The following DLG2 variants were observed in gnomAD, a reference collection of about 807,000 sequenced individuals.
The protein encoded by DLG2 is discs large MAGUK scaffold protein 2, also known as disks large homolog 2.
A neutral mutation model predicts 132.5 loss-of-function variants in DLG2; 45 were observed. The ratio of observed to expected loss-of-function variants is 0.34; its 90% CI spans 0.27 to 0.44. The LOEUF is 0.44. Ranked by LOEUF, DLG2 falls within the 20% of genes least tolerant of loss-of-function variation. The pLI is 1.00. For synonymous variants in DLG2, 424 were observed against 419.6 expected (o/e 1.01, Z -0.13); for missense variants, 1,045 against 1,196.9 (o/e 0.87, Z 1.87).
At chr11:84,889,697 C>T (rs2088994518) in intron 6 of DLG2, among the ~76,000 whole-genome samples, 1 of 152,086 alleles carries the variant, frequency 6.6e-6, no homozygotes, top group South Asian at 2.1e-4. Flanking sequence ...TTTTTCTTAT[C>T]AGAAAATTAT....
intron 7 of DLG2, among the ~76,000 whole-genome samples, chr11:84,474,567 G>A (rs1037718154): frequency 1.3e-5 from 2 of 151,964 alleles, no homozygotes; most frequent in African/African-American, 4.8e-5. Context: ...TCTTTATCAT[G>A]TGAGATAGGA....
At chr11:83,940,158 T>C (rs1242534815) in intron 14 of DLG2, among the ~76,000 whole-genome samples, 2 of 152,198 alleles carry the variant, frequency 1.3e-5, no homozygotes, top group Non-Finnish European at 2.9e-5. Flanking sequence ...GAGAAGGCTT[T>C]TTGCTAAGAA....
chr11:84,254,748 G>A (rs889434231), intron 7 of DLG2, among the ~76,000 whole-genome samples: 3 of 152,066 alleles, frequency 2.0e-5, no homozygotes, highest in African/African-American at 7.2e-5. Context: ...TTGAAGTAGA[G>A]GACAAGAATT....
chr11:83,599,303 T>C (rs575962636), intron 19 of DLG2, among the ~76,000 whole-genome samples: 1 of 152,194 alleles, frequency 6.6e-6, no homozygotes, highest in African/African-American at 2.4e-5. Context: ...CAGAGGAGAG[T>C]AGGCTTCTGT....
intron 16 of DLG2, among the ~76,000 whole-genome samples, chr11:83,842,832 A>G (rs1291644032): frequency 6.8e-6 from 1 of 147,342 alleles, no homozygotes; most frequent in Non-Finnish European, 1.5e-5. Context: ...AAAAAAAAAA[A>G]AGAAGGAAAA....
intron 7 of DLG2, among the ~76,000 whole-genome samples, chr11:84,305,210 A>G (rs1013057324): frequency 2.6e-5 from 4 of 152,202 alleles, no homozygotes; most frequent in African/African-American, 9.6e-5. Context: ...CAAAAATGAA[A>G]ATATGGCAGT....
chr11:83,571,358 G>A (rs2096793239), intron 19 of DLG2, among the ~76,000 whole-genome samples: 1 of 151,248 alleles, frequency 6.6e-6, no homozygotes, highest in Non-Finnish European at 1.5e-5. Context: ...AAAAAAATCT[G>A]GCCTGAATTC....
At chr11:83,497,734 C>T (rs1056628579) in intron 21 of DLG2, among the ~76,000 whole-genome samples, 3 of 151,904 alleles carry the variant, frequency 2.0e-5, no homozygotes, top group African/African-American at 4.8e-5. Flanking sequence ...TGCTTGTATG[C>T]ATTTTTTCAT....
At chr11:84,307,449 T>C (rs1292302259) in intron 7 of DLG2, among the ~76,000 whole-genome samples, 2 of 152,198 alleles carry the variant, frequency 1.3e-5, no homozygotes, top group East Asian at 1.9e-4. Flanking sequence ...ACTTCAAGAA[T>C]GAAGCCGCAG....
At chr11:84,501,479 T>C (rs7935900) in intron 7 of DLG2, among the ~76,000 whole-genome samples, 58,914 of 152,090 alleles carry the variant, frequency 0.39, 12,127 homozygotes, top group African/African-American at 0.54. Context: ...GCAGGAAAAT[T>C]GCTTGAACCC....
intron 6 of DLG2, among the ~76,000 whole-genome samples, chr11:85,062,590 G>C (rs2064283202): frequency 6.6e-6 from 1 of 150,830 alleles, no homozygotes; most frequent in African/African-American, 2.4e-5. Flanking sequence ...AGGTCATACA[G>C]CTTGTTAGGG....
At chr11:85,052,497 A>G (rs2063001519) in intron 6 of DLG2, among the ~76,000 whole-genome samples, 1 of 152,220 alleles carries the variant, frequency 6.6e-6, no homozygotes, top group Non-Finnish European at 1.5e-5. Flanking sequence ...CATTTGTTCT[A>G]TTTTAACAAC....
chr11:83,948,869 C>G (rs753882761), intron 14 of DLG2, among the ~76,000 whole-genome samples: 2 of 152,144 alleles, frequency 1.3e-5, no homozygotes, highest in Non-Finnish European at 2.9e-5. Context: ...CTTAGAGTGT[C>G]TAACACATTG....
chr11:84,252,156 T>C (rs925296251), intron 7 of DLG2, among the ~76,000 whole-genome samples: 3 of 133,834 alleles, frequency 2.2e-5, no homozygotes, highest in African/African-American at 8.5e-5. Flanking sequence ...TTTTTTTTTT[T>C]TTTTTTTTTT....
At chr11:84,974,230 T>C (rs1279848659) in intron 6 of DLG2, among the ~76,000 whole-genome samples, 1 of 152,230 alleles carries the variant, frequency 6.6e-6, no homozygotes, top group Non-Finnish European at 1.5e-5. Flanking sequence ...CCTTTTCTGT[T>C]CTGCTTCATT....
intron 6 of DLG2, among the ~76,000 whole-genome samples, chr11:84,542,137 G>A (rs1189669034): frequency 6.6e-6 from 1 of 150,766 alleles, no homozygotes; most frequent in African/African-American, 2.5e-5. Flanking sequence ...ATGAGAGAGA[G>A]AGAGAGAGAG....
chr11:83,532,779 C>T lies in DLG2; in HGVS notation c.2122G>A (p.Glu708Lys), dbSNP rs2095787764. ...TTCAATCGGGCACGTTCCTTTCTTT[C>T]CACCCTAAAGCAAATTGAGAATAAA... is the stretch of plus-strand genomic sequence containing the variant. ...MGVIPSKRRV[E>K]RKERARLKTV... The change falls in exon 21 of 28, where the codon GAA becomes AAA. Residue 708 changes from glutamate to lysine, a missense_variant. Transcript: ENST00000376104. The T allele has an allele frequency of 6.2e-7, 1 of 1,612,378 alleles. No individual in the cohort carries two copies. The highest frequency in any genetic ancestry group is 2.2e-5 in the East Asian group (1 of 44,790).
chr11:83,990,613 G>T (rs572518496), intron 11 of DLG2, among the ~76,000 whole-genome samples: 2 of 152,268 alleles, frequency 1.3e-5, no homozygotes, highest in African/African-American at 4.8e-5. Context: ...CAAATGCTTT[G>T]AAAAGTTATG....
At chr11:83,797,813 C>T (rs554839095) in intron 17 of DLG2, among the ~76,000 whole-genome samples, 12 of 152,296 alleles carry the variant, frequency 7.9e-5, no homozygotes, top group East Asian at 5.8e-4. Flanking sequence ...CCACTGCACC[C>T]GGCCGCGTTT....
Sources: gnomAD v4.1 joint callset for allele counts (sites outside exome capture counted in the v4.1 genomes callset) on GRCh38, gnomAD v4.1.1 for gene constraint, MANE v1.5 for transcripts, NCBI Gene and HGNC (gene_info 2026-07-23, HGNC 2026-07-21) for gene names.